ZNF407: variants seen among roughly 807,000 people sequenced by gnomAD.
ZNF407 encodes zinc finger protein 407.
Under a neutral mutation model 131.2 loss-of-function variants are expected in ZNF407, and 17 were observed. The observed-to-expected ratio is 0.13, with a 90% CI of 0.09 to 0.19. ZNF407 has a LOEUF of 0.19. Among genes scored for constraint, ZNF407 ranks in the 10% least tolerant of loss-of-function variants. The probability of loss-of-function intolerance (pLI) is 1.00; values close to 1 mark genes in which losing one functional copy is unlikely to be tolerated. For missense variants in ZNF407, 2,681 were observed against 2,830.6 expected (o/e 0.95, Z 1.20); for synonymous variants, 1,156 against 1,062.0 (o/e 1.09, Z -1.72).
Position 74,943,857 on chromosome 18 carries a change from A to C in ZNF407, c.5428+23165A>C, listed in dbSNP as rs543565168. Among the ~76,000 whole-genome samples the C allele has an allele frequency of 1.2e-3, 183 of 152,296 alleles. 1 individual carries two copies. Among genetic ancestry groups the C allele is most frequent in the Non-Finnish European group, 1.7e-3 (117 of 68,022 alleles). On this transcript the variant is annotated intron_variant, in intron 8 of 8. Coordinates refer to ENST00000299687, the MANE Select transcript of ZNF407 (RefSeq NM_017757.3). Reference sequence around the variant, plus strand: ...GAAGAGTCACTATTACAGTGACTATATGGAAAGTTTCCCAGCATAAAGTGA... The same window carrying C: ...GAAGAGTCACTATTACAGTGACTATCTGGAAAGTTTCCCAGCATAAAGTGA...
intron 8 of ZNF407, among the ~76,000 whole-genome samples, chr18:74,997,346 G>T (rs1386805488): frequency 6.6e-6 from 1 of 152,136 alleles, no homozygotes; most frequent in Non-Finnish European, 1.5e-5. Context: ...ACAATTAGGG[G>T]CCTCTCGCAG....
chr18:74,922,606 A>G (rs1971860772), intron 8 of ZNF407, among the ~76,000 whole-genome samples: 1 of 152,250 alleles, frequency 6.6e-6, no homozygotes, highest in South Asian at 2.1e-4. Context: ...ACAGTTCTGC[A>G]GAAAGGGGTT....
chr18:74,630,382 A>G (rs578025088), intron 1 of ZNF407, among the ~76,000 whole-genome samples: 11 of 152,242 alleles, frequency 7.2e-5, no homozygotes, highest in Middle Eastern at 6.8e-3. Flanking sequence ...TGTGTTAGCC[A>G]GGATGGTCTC....
intron 4 of ZNF407, among the ~76,000 whole-genome samples, chr18:74,827,132 T>C (rs1970420054): frequency 6.6e-6 from 1 of 152,224 alleles, no homozygotes; most frequent in South Asian, 2.1e-4. Context: ...TACTAGAGGC[T>C]AGTTGTTTGG....
chr18:74,810,412 G>A (rs1970177715), intron 4 of ZNF407, among the ~76,000 whole-genome samples: 1 of 151,604 alleles, frequency 6.6e-6, no homozygotes, highest in Non-Finnish European at 1.5e-5. Flanking sequence ...GATCATGTAG[G>A]ATTCTGCTGT....
intron 3 of ZNF407, among the ~76,000 whole-genome samples, chr18:74,711,930 G>A (rs1338516354): frequency 6.6e-6 from 1 of 152,088 alleles, no homozygotes; most frequent in Non-Finnish European, 1.5e-5. Context: ...GGCTGGTCTT[G>A]AACTCCCAAA....
chr18:74,700,362 G>T (rs1285338691), intron 3 of ZNF407, among the ~76,000 whole-genome samples: 2 of 152,102 alleles, frequency 1.3e-5, no homozygotes, highest in Non-Finnish European at 2.9e-5. Context: ...TTTTCTTTAG[G>T]TCAAGACTGT....
At chr18:74,809,317 C>T (rs1355362445) in intron 4 of ZNF407, among the ~76,000 whole-genome samples, 2 of 152,226 alleles carry the variant, frequency 1.3e-5, no homozygotes, top group Admixed American at 1.3e-4. Flanking sequence ...TTGTCACTCT[C>T]AGCATCCCAT....
At chr18:74,771,079 A>C (rs1381120095) in intron 3 of ZNF407, among the ~76,000 whole-genome samples, 1 of 152,156 alleles carries the variant, frequency 6.6e-6, no homozygotes, top group African/African-American at 2.4e-5. Context: ...AAGTTGCTTG[A>C]TATAAAATTA....
chr18:74,687,172 AC>A (rs1967114912), intron 3 of ZNF407, among the ~76,000 whole-genome samples: 1 of 152,124 alleles, frequency 6.6e-6, no homozygotes, highest in Admixed American at 6.5e-5. Flanking sequence ...ACATAAGGAG[AC>A]TTTGTCTTTA....
At chr18:74,606,067 G>C (rs1034064103) in intron 1 of ZNF407, among the ~76,000 whole-genome samples, 4 of 152,236 alleles carry the variant, frequency 2.6e-5, no homozygotes, top group Admixed American at 6.5e-5. Context: ...CAGATTGTCA[G>C]GGATCACTAG....
chr18:74,911,209 G>A (rs1971666027), intron 7 of ZNF407, among the ~76,000 whole-genome samples: 1 of 152,196 alleles, frequency 6.6e-6, no homozygotes, highest in Non-Finnish European at 1.5e-5. Context: ...CATTTGTAAA[G>A]ATAAGTACAT....
intron 3 of ZNF407, among the ~76,000 whole-genome samples, chr18:74,771,260 G>A (rs1223070037): frequency 6.6e-6 from 1 of 152,124 alleles, no homozygotes; most frequent in African/African-American, 2.4e-5. Flanking sequence ...TAAATGTTAT[G>A]TAACACCTGT....
At chr18:74,938,452 G>A (rs984300048) in intron 8 of ZNF407, among the ~76,000 whole-genome samples, 2 of 151,952 alleles carry the variant, frequency 1.3e-5, no homozygotes, top group Non-Finnish European at 2.9e-5. Flanking sequence ...TAATTAAGAC[G>A]CTCTGTCTCT....
At chr18:74,694,406 G>A (rs2144806743) in intron 3 of ZNF407, among the ~76,000 whole-genome samples, 1 of 152,044 alleles carries the variant, frequency 6.6e-6, no homozygotes, top group African/African-American at 2.4e-5. Flanking sequence ...AATTCCAAGA[G>A]ATATAGCTCC....
intron 8 of ZNF407, among the ~76,000 whole-genome samples, chr18:74,943,386 C>T (rs1305537592): frequency 1.3e-5 from 2 of 152,176 alleles, no homozygotes; most frequent in Non-Finnish European, 2.9e-5. Context: ...TATTTTCCAT[C>T]TGAAGGATGA....
chr18:74,962,704 G>C (rs1022537025), intron 8 of ZNF407, among the ~76,000 whole-genome samples: 6 of 152,354 alleles, frequency 3.9e-5, no homozygotes, highest in Admixed American at 2.6e-4. Context: ...GTGCTGGGAA[G>C]CTGAGCCGCT....
intron 8 of ZNF407, among the ~76,000 whole-genome samples, chr18:75,034,389 C>T (rs528984738): frequency 7.3e-5 from 11 of 150,528 alleles, no homozygotes; most frequent in East Asian, 2.0e-4. Context: ...CTGCAAGCTC[C>T]GCCTCCCGGG....
At chr18:74,782,452 T>C (rs1211418428) in intron 4 of ZNF407, among the ~76,000 whole-genome samples, 9 of 152,196 alleles carry the variant, frequency 5.9e-5, no homozygotes, top group Admixed American at 5.9e-4. Flanking sequence ...TTTTCTTTAG[T>C]ATTGTAGTAT....
Sources: gnomAD v4.1 joint callset for allele counts (sites outside exome capture counted in the v4.1 genomes callset) on GRCh38, gnomAD v4.1.1 for gene constraint, MANE v1.5 for transcripts, NCBI Gene and HGNC (gene_info 2026-07-23, HGNC 2026-07-21) for gene names.